FAM216A: variants seen among roughly 807,000 people sequenced by gnomAD.
FAM216A encodes family with sequence similarity 216 member A.
Under a neutral mutation model 37.6 loss-of-function variants are expected in FAM216A, and 26 were observed. That is an observed-to-expected ratio of 0.69 (90% confidence interval 0.51 to 0.96). FAM216A has a LOEUF of 0.96. Among genes scored for constraint, FAM216A ranks in the 40% least tolerant of loss-of-function variants. The probability of loss-of-function intolerance (pLI) is 0.00; values close to 1 mark genes in which losing one functional copy is unlikely to be tolerated. For synonymous variants in FAM216A, 110 were observed against 121.7 expected (o/e 0.90, Z 0.64); for missense variants, 326 against 339.3 (o/e 0.96, Z 0.31).
chr12:110,469,051 G>T, intron 1 of FAM216A, 33 bp downstream of exon 1: 2 of 1,405,008 alleles, frequency 1.4e-6, no homozygotes, highest in Non-Finnish European at 9.2e-7. Flanking sequence ...AAGGGTGGCA[G>T]CATGGGGCCC....
chr12:110,469,786 G>C (rs1209439393), intron 1 of FAM216A, among the ~76,000 whole-genome samples: 5 of 151,962 alleles, frequency 3.3e-5, no homozygotes, highest in Non-Finnish European at 7.4e-5. Flanking sequence ...CTGGGATTAC[G>C]GGGTGAACCA....
chr12:110,473,175 T>C (rs2062696352), intron 2 of FAM216A, 57 bp downstream of exon 2: 1 of 946,670 alleles, frequency 1.1e-6, no homozygotes, highest in Non-Finnish European at 1.6e-6. Context: ...CTGAGAAGCC[T>C]ATTTGTCTGT....
At chr12:110,469,143 C>T (rs1301134401) in intron 1 of FAM216A, 125 bp downstream of exon 1, 26 of 1,149,748 alleles carry the variant, frequency 2.3e-5, no homozygotes, top group Non-Finnish European at 2.7e-5. Context: ...GGCCCCGGTG[C>T]CCTCAAGTGA....
intron 2 of FAM216A, among the ~76,000 whole-genome samples, chr12:110,482,839 A>G (rs1157958807): frequency 2.6e-5 from 4 of 151,866 alleles, no homozygotes; most frequent in Non-Finnish European, 5.9e-5. Context: ...TAAATGAACT[A>G]TTTGTTACAT....
At chr12:110,478,213 T>C (rs2062725541) in intron 2 of FAM216A, among the ~76,000 whole-genome samples, 1 of 152,238 alleles carries the variant, frequency 6.6e-6, no homozygotes, top group Non-Finnish European at 1.5e-5. Flanking sequence ...ATTTGGCCAG[T>C]GGGAGCCCTT....
chr12:110,481,115 C>G, intron 2 of FAM216A, among the ~76,000 whole-genome samples: 1 of 152,032 alleles, frequency 6.6e-6, no homozygotes, highest in East Asian at 1.9e-4. Flanking sequence ...TTTTTTAAAG[C>G]TAAATAATAT....
intron 2 of FAM216A, among the ~76,000 whole-genome samples, chr12:110,476,538 T>C (rs530643612): frequency 2.8e-4 from 42 of 148,182 alleles, no homozygotes; most frequent in Middle Eastern, 8.4e-3. Context: ...GCTTTTTTCT[T>C]TTTTTTGAGA....
At chr12:110,488,737 G>A (rs2062791450) in intron 6 of FAM216A, among the ~76,000 whole-genome samples, 1 of 152,118 alleles carries the variant, frequency 6.6e-6, no homozygotes, top group Non-Finnish European at 1.5e-5. Context: ...GGATACTACT[G>A]AACCCTATAC....
intron 1 of FAM216A, among the ~76,000 whole-genome samples, chr12:110,471,081 G>A (rs567864115): frequency 6.6e-5 from 10 of 152,000 alleles, no homozygotes; most frequent in African/African-American, 2.4e-5. Flanking sequence ...TGGGAACTCC[G>A]GAACTCCTTA....
At chr12:110,469,093 C>G in intron 1 of FAM216A, 75 bp downstream of exon 1, 4 of 1,334,374 alleles carry the variant, frequency 3.0e-6, no homozygotes, top group East Asian at 3.0e-5. Flanking sequence ...TCGTGAGCCC[C>G]GTGGAGGAGG....
intron 6 of FAM216A, 61 bp downstream of exon 6, chr12:110,488,004 CA>C (rs1439176293): frequency 2.2e-6 from 2 of 923,714 alleles, no homozygotes; most frequent in Non-Finnish European, 3.4e-6. Flanking sequence ...AATACTATAC[CA>C]AATACAATTT....
intron 2 of FAM216A, among the ~76,000 whole-genome samples, chr12:110,473,674 C>T (rs1268018549): frequency 6.6e-6 from 1 of 152,138 alleles, no homozygotes; most frequent in Admixed American, 6.6e-5. Context: ...GTATTTATAG[C>T]TGACGTTGGT....
intron 5 of FAM216A, 38 bp downstream of exon 5, chr12:110,486,755 A>C (rs1565854582): frequency 6.4e-7 from 1 of 1,562,060 alleles, no homozygotes. Context: ...AATGCATCTC[A>C]GTTTAATTTT....
intron 2 of FAM216A, 101 bp downstream of exon 2, chr12:110,473,219 C>A: frequency 5.9e-6 from 3 of 505,458 alleles, no homozygotes; most frequent in Middle Eastern, 6.5e-4. Context: ...TTTCTTTTTT[C>A]TTTTTTTTTT....
At chr12:110,486,065 C>G (rs747208013) in intron 3 of FAM216A, among the ~76,000 whole-genome samples, 1 of 152,178 alleles carries the variant, frequency 6.6e-6, no homozygotes, top group East Asian at 1.9e-4. Flanking sequence ...ACAGCAGATT[C>G]GCTCTTTCCT....
At chr12:110,482,198 C>T (rs2062750900) in intron 2 of FAM216A, among the ~76,000 whole-genome samples, 1 of 152,054 alleles carries the variant, frequency 6.6e-6, no homozygotes, top group African/African-American at 2.4e-5. Context: ...TCTCCTGCCT[C>T]AGCCTCCTGA....
intron 6 of FAM216A, among the ~76,000 whole-genome samples, chr12:110,488,596 T>G (rs1180352557): frequency 6.6e-6 from 1 of 152,028 alleles, no homozygotes; most frequent in Non-Finnish European, 1.5e-5. Context: ...CTTTTATGAG[T>G]TAGTGCTATT....
At chr12:110,489,629 G>A (rs1277682261) in intron 6 of FAM216A, among the ~76,000 whole-genome samples, 3 of 152,026 alleles carry the variant, frequency 2.0e-5, no homozygotes, top group Non-Finnish European at 2.9e-5. Context: ...GGTAAGTCAG[G>A]TTCCAAAAGG....
intron 2 of FAM216A, among the ~76,000 whole-genome samples, chr12:110,474,739 C>T (rs565842636): frequency 6.8e-5 from 10 of 147,432 alleles, no homozygotes; most frequent in African/African-American, 2.2e-4. Flanking sequence ...CCGTGGCTCA[C>T]GCCTGTAATC....
Sources: allele counts gnomAD v4.1 joint callset (sites outside exome capture counted in the v4.1 genomes callset), GRCh38; gene constraint gnomAD v4.1.1; transcripts MANE v1.5; gene names NCBI Gene and HGNC (gene_info 2026-07-23, HGNC 2026-07-21).